LRP1B: variants seen among roughly 807,000 people sequenced by gnomAD.
LRP1B encodes the protein low-density lipoprotein receptor-related protein 1B.
In LRP1B, 217 loss-of-function variants were observed where a neutral mutation model predicts 556.6. The observed-to-expected ratio is 0.39, with a 90% confidence interval of 0.35 to 0.44. The LOEUF is 0.44. Among genes scored for constraint, LRP1B ranks in the 20% least tolerant of loss-of-function variants. The probability of loss-of-function intolerance (pLI) is 1.00; values close to 1 mark genes in which losing one functional copy is unlikely to be tolerated. For synonymous variants in LRP1B, 2,047 were observed against 1,865.8 expected, an observed-to-expected ratio of 1.10 and a Z score of -2.50; for missense variants, 5,053 against 5,620.8, an observed-to-expected ratio of 0.90 and a Z score of 3.23.
At chr2:141,495,186 C>A (rs894958285) in intron 2 of LRP1B, among the ~76,000 whole-genome samples, 30 of 152,080 alleles carry the variant, frequency 2.0e-4, no homozygotes, top group African/African-American at 6.8e-4. Context: ...GTTTGAGGGA[C>A]TCCAAAGCTG....
chr2:141,075,658 A>C (rs1699767485), intron 7 of LRP1B, among the ~76,000 whole-genome samples: 1 of 152,312 alleles, frequency 6.6e-6, no homozygotes, highest in South Asian at 2.1e-4. Context: ...TCTGCACTTA[A>C]GGAAGTCCTA....
At chr2:140,675,510 T>G (rs994991134) in intron 41 of LRP1B, among the ~76,000 whole-genome samples, 5 of 152,250 alleles carry the variant, frequency 3.3e-5, no homozygotes, top group African/African-American at 1.2e-4. Flanking sequence ...TATTTCATAC[T>G]GTTCTTAATG....
chr2:140,981,607 A>G (rs574805333), intron 18 of LRP1B, among the ~76,000 whole-genome samples: 1 of 152,292 alleles, frequency 6.6e-6, no homozygotes, highest in African/African-American at 2.4e-5. Flanking sequence ...AAGAGAATCT[A>G]TTGAAAGTGG....
intron 40 of LRP1B, 72 bp from the exon 41 acceptor site, chr2:140,700,693 T>A (rs1037888172): frequency 6.8e-7 from 1 of 1,467,134 alleles, no homozygotes; most frequent in Non-Finnish European, 9.3e-7. Context: ...AAATTCTCCA[T>A]AAAGAAATAT....
chr2:140,675,944 T>C (rs996758927), intron 41 of LRP1B, among the ~76,000 whole-genome samples: 4 of 148,424 alleles, frequency 2.7e-5, no homozygotes, highest in African/African-American at 9.7e-5. Context: ...GTGTCTCTGA[T>C]ACAAGTTAGC....
chr2:140,614,812 C>A (rs1683201186), intron 41 of LRP1B, among the ~76,000 whole-genome samples: 1 of 152,108 alleles, frequency 6.6e-6, no homozygotes, highest in Non-Finnish European at 1.5e-5. Context: ...CAAGGAAAAT[C>A]CAGGAAAGAG....
intron 12 of LRP1B, 94 bp downstream of exon 12, chr2:141,019,828 C>T (rs957567448): frequency 1.2e-5 from 11 of 934,026 alleles, no homozygotes; most frequent in Non-Finnish European, 1.5e-5. Flanking sequence ...ATCAGCTATA[C>T]ATATGGATTT....
At chr2:140,364,543 T>C (rs1682664432) in intron 72 of LRP1B, 118 bp downstream of exon 72, 1 of 1,194,552 alleles carries the variant, frequency 8.4e-7, no homozygotes, top group Non-Finnish European at 1.2e-6. Context: ...GGTTATACTT[T>C]ATCTACCTAA....
intron 43 of LRP1B, among the ~76,000 whole-genome samples, chr2:140,570,367 C>A (rs918445881): frequency 3.3e-5 from 5 of 151,132 alleles, no homozygotes; most frequent in African/African-American, 1.2e-4. Context: ...CACAGAAATA[C>A]AAAAGATTAG....
chr2:141,567,702 T>C (rs1375284874), intron 2 of LRP1B, among the ~76,000 whole-genome samples: 1 of 151,620 alleles, frequency 6.6e-6, no homozygotes, highest in African/African-American at 2.4e-5. Flanking sequence ...ATGTGGGAAA[T>C]CTGCTTATGA....
intron 6 of LRP1B, among the ~76,000 whole-genome samples, chr2:141,199,658 C>T (rs1254135010): frequency 1.3e-5 from 2 of 152,090 alleles, no homozygotes; most frequent in Non-Finnish European, 2.9e-5. Context: ...TAATTTATGT[C>T]TTCAAGAACT....
intron 35 of LRP1B, among the ~76,000 whole-genome samples, chr2:140,754,416 G>A (rs1432180982): frequency 2.0e-5 from 3 of 152,218 alleles, no homozygotes; most frequent in African/African-American, 7.2e-5. Flanking sequence ...CCAGCAAATA[G>A]TGTATATGCT....
intron 21 of LRP1B, among the ~76,000 whole-genome samples, chr2:140,914,325 C>T (rs1318227304): frequency 6.6e-6 from 1 of 152,028 alleles, no homozygotes; most frequent in East Asian, 1.9e-4. Flanking sequence ...GCATAAGTAA[C>T]CTCAGTAGGA....
At chr2:142,062,085 A>G (rs369913890) in intron 1 of LRP1B, among the ~76,000 whole-genome samples, 2 of 151,994 alleles carry the variant, frequency 1.3e-5, no homozygotes, top group South Asian at 2.1e-4. Flanking sequence ...ATCCTTTCAC[A>G]TGTAAACTTT....
intron 2 of LRP1B, among the ~76,000 whole-genome samples, chr2:141,628,446 G>GT (rs1688781349): frequency 1.3e-5 from 2 of 151,512 alleles, no homozygotes; most frequent in South Asian, 4.2e-4. Flanking sequence ...TGAATAGGAT[G>GT]TAAAAAAAAA....
At chr2:141,243,487 G>T (rs1327164145) in intron 5 of LRP1B, among the ~76,000 whole-genome samples, 1 of 152,028 alleles carries the variant, frequency 6.6e-6, no homozygotes, top group Non-Finnish European at 1.5e-5. Flanking sequence ...ATCTCTTAAA[G>T]AAAATAAATA....
At chr2:141,075,920 A>C (rs1466080824) in intron 7 of LRP1B, among the ~76,000 whole-genome samples, 1 of 152,228 alleles carries the variant, frequency 6.6e-6, no homozygotes, top group Non-Finnish European at 1.5e-5. Flanking sequence ...TTGTGTACAC[A>C]TCTCATTTTG....
intron 77 of LRP1B, among the ~76,000 whole-genome samples, chr2:140,348,325 A>T (rs933064462): frequency 6.6e-6 from 1 of 152,088 alleles, no homozygotes; most frequent in Non-Finnish European, 1.5e-5. Context: ...TGCTTTTATC[A>T]GTTTATCAGT....
chr2:141,561,614 A>C (rs1686155858), intron 2 of LRP1B, among the ~76,000 whole-genome samples: 1 of 151,838 alleles, frequency 6.6e-6, no homozygotes, highest in Admixed American at 6.6e-5. Context: ...AGAAAGGCTA[A>C]ATGTCTTTGT....
Sources: allele counts gnomAD v4.1 joint callset (sites outside exome capture counted in the v4.1 genomes callset), GRCh38; gene constraint gnomAD v4.1.1; transcripts MANE v1.5; gene names NCBI Gene and HGNC (gene_info 2026-07-23, HGNC 2026-07-21).